Variants in PEAK1 observed in about 807,000 individuals in gnomAD.
PEAK1 encodes pseudopodium enriched atypical kinase 1, also known as inactive tyrosine-protein kinase PEAK1.
Under a neutral mutation model 124.7 loss-of-function variants are expected in PEAK1, and 54 were observed. The ratio of observed to expected loss-of-function variants is 0.43; its 90% CI spans 0.35 to 0.54. The LOEUF is 0.54. Ranked by LOEUF, PEAK1 falls within the 20% of genes least tolerant of loss-of-function variation. The pLI is 0.01. For synonymous variants in PEAK1, 719 were observed against 760.0 expected (o/e 0.95, Z 0.89); for missense variants, 2,046 against 2,134.5 (o/e 0.96, Z 0.82).
At position 77,180,140 on chromosome 15, in the gene PEAK1, T is replaced by C; in HGVS notation, c.1787A>G (p.Asn596Ser). The C allele has an allele frequency of 6.2e-7, 1 of 1,614,144 alleles. No individual in the cohort carries two copies. The highest frequency in any genetic ancestry group is 1.7e-5 in the Admixed American group (1 of 60,020). ...KSPNLSEIKFNSYNNAGMPPF... is the reference protein window; with the variant it reads ...KSPNLSEIKFSSYNNAGMPPF... ...TGGCATACCAGCATTGTTATAACTA[T>C]TAAATTTAATTTCAGACAAATTAGG... Residue 596 changes from asparagine to serine, a missense_variant, in exon 7 of 10, where the codon AAT becomes AGT. Physicochemically the swap from Asn to Ser is conservative, Grantham distance 46. Transcript: ENST00000682557.
intron 6 of PEAK1, among the ~76,000 whole-genome samples, chr15:77,220,513 T>C (rs971565753): frequency 1.8e-5 from 1 of 56,492 alleles, no homozygotes. Flanking sequence ...TCATACAAGC[T>C]AAAATTCAAA....
intron 2 of PEAK1, among the ~76,000 whole-genome samples, chr15:77,327,310 T>C (rs1403123865): frequency 1.3e-5 from 2 of 152,060 alleles, no homozygotes; most frequent in African/African-American, 2.4e-5. Flanking sequence ...TGGTTCTAAA[T>C]AAAGTAAATC....
chr15:77,264,571 A>G (rs1374765121), intron 5 of PEAK1, among the ~76,000 whole-genome samples: 2 of 152,226 alleles, frequency 1.3e-5, no homozygotes, highest in Non-Finnish European at 2.9e-5. Flanking sequence ...CTCTTCAAGG[A>G]GAACTACAAA....
At chr15:77,124,784 A>G (rs925876500) in intron 9 of PEAK1, among the ~76,000 whole-genome samples, 42 of 152,164 alleles carry the variant, frequency 2.8e-4, no homozygotes, top group African/African-American at 9.9e-4. Context: ...TCATCACTCA[A>G]ATCTCTAAAT....
chr15:77,213,340 T>G (rs2058992106), intron 6 of PEAK1, among the ~76,000 whole-genome samples: 1 of 151,828 alleles, frequency 6.6e-6, no homozygotes, highest in South Asian at 2.1e-4. Flanking sequence ...AGATAAAGAG[T>G]TCTGGGAGTT....
intron 2 of PEAK1, chr15:77,337,222 A>G: frequency 1.0e-6 from 1 of 985,052 alleles, no homozygotes; most frequent in African/African-American, 1.7e-5. Context: ...CTCAGCCAAG[A>G]CAAGATAATA....
At chr15:77,160,063 G>A (rs1371254825) in intron 7 of PEAK1, among the ~76,000 whole-genome samples, 1 of 152,000 alleles carries the variant, frequency 6.6e-6, no homozygotes, top group Non-Finnish European at 1.5e-5. Context: ...ATATATAAAG[G>A]AGGCCTCACA....
intron 5 of PEAK1, among the ~76,000 whole-genome samples, chr15:77,264,718 T>C (rs2061623947): frequency 6.6e-6 from 1 of 152,108 alleles, no homozygotes; most frequent in South Asian, 2.1e-4. Context: ...CCCATCAAGC[T>C]ACCAATGACT....
At position 77,178,843 on chromosome 15, in the gene PEAK1, T is replaced by C. The variant is rs1245142524; in HGVS notation, c.3084A>G (p.Ser1028=). ...GRAENALLQD[S]EKKRSHSSPS... is the part of the protein sequence containing the mutation. ...GAGAAGAATGACTCCTCTTCTTCTC[T>C]GAGTCCTGTAGTAATGCATTCTCTG... Residue 1028 remains serine (S), a synonymous_variant, in exon 7 of 10, where the codon TCA becomes TCG. Coordinates refer to ENST00000682557, the MANE Select transcript of PEAK1 (RefSeq NM_001385026.1). The C allele has an allele frequency of 3.1e-6, 5 of 1,614,094 alleles. No homozygotes were observed. The highest frequency in any genetic ancestry group is 3.4e-6 in the Non-Finnish European group (4 of 1,179,968).
At chr15:77,117,794 A>C (rs761996862) in intron 9 of PEAK1, among the ~76,000 whole-genome samples, 1 of 152,186 alleles carries the variant, frequency 6.6e-6, no homozygotes, top group Non-Finnish European at 1.5e-5. Flanking sequence ...CTGAAAAAAA[A>C]AACTGTGACC....
rs1225610845 is a variant in PEAK1, at chr15:77,417,692, G to A, written c.-666+2314C>T. On this transcript the variant is annotated intron_variant, in intron 1 of 9. Transcript: ENST00000682557. ...GGCAGGTATCAACACAAATGGCTAG[G>A]GCCCAGCACCCGTTCCACTTAAACA... is the stretch of plus-strand genomic sequence containing the variant. 4 of 985,178 alleles carry A rather than the reference G, an allele frequency of 4.1e-6. No homozygotes were observed. In the African/African-American group the frequency reaches 5.2e-5, roughly 13 times the overall value. The allele number at this position is 985,178 out of a possible 1,614,324, so 61.0% of individuals were successfully genotyped here. A position where few individuals can be genotyped will look rare whatever the true frequency, so the allele number is the denominator to read the frequency against.
chr15:77,197,457 T>C (rs1239020607), intron 6 of PEAK1, among the ~76,000 whole-genome samples: 1 of 152,246 alleles, frequency 6.6e-6, no homozygotes, highest in Non-Finnish European at 1.5e-5. Context: ...AAGAGGTTTC[T>C]ATGCAATGAT....
chr15:77,374,730 T>C (rs2068879409), intron 1 of PEAK1, among the ~76,000 whole-genome samples: 1 of 152,146 alleles, frequency 6.6e-6, no homozygotes, highest in South Asian at 2.1e-4. Context: ...AGCCATATGA[T>C]TAAAATGTTA....
intron 6 of PEAK1, among the ~76,000 whole-genome samples, chr15:77,189,399 C>G (rs2057716982): frequency 6.6e-6 from 1 of 152,128 alleles, no homozygotes; most frequent in Non-Finnish European, 1.5e-5. Flanking sequence ...CTGGAGGCTG[C>G]TTTAAACATA....
intron 5 of PEAK1, among the ~76,000 whole-genome samples, chr15:77,266,034 T>C (rs1167596532): frequency 6.6e-6 from 1 of 151,258 alleles, no homozygotes; most frequent in East Asian, 1.9e-4. Flanking sequence ...TTCTCACTCA[T>C]AGGTGGGAAC....
chr15:77,373,701 G>T (rs2068804042), intron 1 of PEAK1, among the ~76,000 whole-genome samples: 1 of 152,118 alleles, frequency 6.6e-6, no homozygotes, highest in Non-Finnish European at 1.5e-5. Flanking sequence ...TAACTGGTTG[G>T]TCCCTATTTT....
chr15:77,185,868 C>T (rs1475508523), intron 6 of PEAK1, among the ~76,000 whole-genome samples: 3 of 152,122 alleles, frequency 2.0e-5, no homozygotes, highest in South Asian at 2.1e-4. Context: ...TAAAACTGTG[C>T]AGGTTTCTAA....
At chr15:77,338,022 T>C (rs1373581183) in intron 2 of PEAK1, 1 of 983,426 alleles carries the variant, frequency 1.0e-6, no homozygotes, top group Middle Eastern at 5.2e-4. Flanking sequence ...AAGAGGTCAT[T>C]ATTTTTCAAA....
chr15:77,281,551 C>A (rs948750644), intron 5 of PEAK1, among the ~76,000 whole-genome samples: 3 of 151,970 alleles, frequency 2.0e-5, no homozygotes, highest in Admixed American at 2.0e-4. Context: ...TAATAACTTC[C>A]TAGAAAACCC....
Sources: gnomAD v4.1 joint callset for allele counts (sites outside exome capture counted in the v4.1 genomes callset) on GRCh38, gnomAD v4.1.1 for gene constraint, MANE v1.5 for transcripts, NCBI Gene and HGNC (gene_info 2026-07-23, HGNC 2026-07-21) for gene names.